AKAP6: variants seen among roughly 807,000 people sequenced by gnomAD.
AKAP6 encodes the protein A-kinase anchor protein 6.
In AKAP6, 58 loss-of-function variants were observed where a neutral mutation model predicts 188.5. That is an observed-to-expected ratio of 0.31 (90% CI 0.25 to 0.38). AKAP6 has a LOEUF of 0.38. AKAP6 is among the 10% of genes least tolerant of loss of function. AKAP6 has a pLI of 1.00. For missense variants in AKAP6, 2,710 were observed against 2,740.0 expected (o/e 0.99, Z 0.24); for synonymous variants, 989 against 998.6 (o/e 0.99, Z 0.18).
chr14:32,570,946 G>A (rs901242157), intron 4 of AKAP6, among the ~76,000 whole-genome samples: 1 of 152,132 alleles, frequency 6.6e-6, no homozygotes, highest in African/African-American at 2.4e-5. Flanking sequence ...GAGGCTTTCT[G>A]GATTCAGGTA....
Position 32,811,241 on chromosome 14 carries a change from G to GA in AKAP6, c.3589-10146dup, listed in dbSNP as rs529886144. Among the ~76,000 whole-genome samples, 31 of 55,600 alleles carry GA rather than the reference G, an allele frequency of 5.6e-4. 3 individuals carry two copies. In the South Asian group the frequency reaches 6.3e-3, roughly 11 times the overall value. The allele number at this position is 55,600 out of a possible 152,430, so 36.5% of individuals were successfully genotyped here. On this transcript the variant is annotated intron_variant, in intron 12 of 13. Transcript: ENST00000280979. ...GTGACAGAGCGAGACTCCGTCTCAG[G>GA]AAAAAAAAAAAAAAAGTTGAAAAAC...
At chr14:32,510,392 G>GCGTATATATA (rs1881130619) in intron 2 of AKAP6, among the ~76,000 whole-genome samples, 2 of 36,080 alleles carry the variant, frequency 5.5e-5, no homozygotes, top group African/African-American at 2.6e-4. Flanking sequence ...ATATATATAT[G>GCGTATATATA]TGTATATATA....
intron 1 of AKAP6, among the ~76,000 whole-genome samples, chr14:32,367,323 A>G (rs1445138079): frequency 1.3e-5 from 2 of 152,252 alleles, no homozygotes; most frequent in African/African-American, 4.8e-5. Context: ...TGATTTAAGA[A>G]TATGAAGTGG....
At chr14:32,403,973 C>A (rs543403499) in intron 1 of AKAP6, among the ~76,000 whole-genome samples, 1 of 152,128 alleles carries the variant, frequency 6.6e-6, no homozygotes, top group African/African-American at 2.4e-5. Flanking sequence ...AGTTTTCTTT[C>A]TTGTGTTTGC....
At chr14:32,569,222 T>C (rs1884349631) in intron 4 of AKAP6, among the ~76,000 whole-genome samples, 1 of 152,232 alleles carries the variant, frequency 6.6e-6, no homozygotes, top group African/African-American at 2.4e-5. Context: ...TTTACCTTTA[T>C]TCTGGAACAA....
chr14:32,576,471 C>CA (rs1461362507), intron 4 of AKAP6, among the ~76,000 whole-genome samples: 1 of 152,066 alleles, frequency 6.6e-6, no homozygotes, highest in African/African-American at 2.4e-5. Context: ...GCTTCCTAGC[C>CA]AAGAATATAT....
rs756286219 is a variant in AKAP6, at chr14:32,349,488, A to G, written c.-35+20080A>G. ...CCTTCTGTGGTCCTTAGCCTCAGAAATATAGAAAGAAATATAGAAAGATCT... is the reference window on the plus strand; with the variant it reads ...CCTTCTGTGGTCCTTAGCCTCAGAAGTATAGAAAGAAATATAGAAAGATCT... On this transcript the variant is annotated intron_variant, in intron 1 of 13. Coordinates refer to ENST00000280979, the MANE Select transcript of AKAP6 (RefSeq NM_004274.5). Among the ~76,000 whole-genome samples, 5 of 152,346 alleles carry G rather than the reference A, an allele frequency of 3.3e-5. No homozygotes were observed. In the South Asian group the frequency reaches 8.3e-4, roughly 25 times the overall value.
rs556776054 is a variant in AKAP6 at position 32,829,911 on chromosome 14, T to G, written c.*106T>G. 1.4e-6 allele frequency: 1 copy of G among 702,758 alleles called. No homozygotes were observed. The highest frequency in any genetic ancestry group is 2.6e-6 in the Non-Finnish European group (1 of 384,786). 43.5% of individuals were successfully genotyped at this position (702,758 alleles called of 1,614,324 possible). A position where few individuals can be genotyped will look rare whatever the true frequency, so the allele number is the denominator to read the frequency against. ...CGCCCTGGGCTGGCCTCTGGTTCCA[T>G]CACGTTTGTCACTGCCGTTTATTAC... On this transcript the variant is annotated 3_prime_UTR_variant, in exon 14 of 14. Transcript: ENST00000280979.
intron 8 of AKAP6, among the ~76,000 whole-genome samples, chr14:32,694,537 A>G (rs1890318376): frequency 6.6e-6 from 1 of 152,174 alleles, no homozygotes; most frequent in South Asian, 2.1e-4. Flanking sequence ...CTAGGCCACC[A>G]TAGCCTTACT....
At chr14:32,435,746 C>T (rs965862466) in intron 2 of AKAP6, among the ~76,000 whole-genome samples, 7 of 152,102 alleles carry the variant, frequency 4.6e-5, no homozygotes, top group African/African-American at 1.2e-4. Context: ...CATGACTTTT[C>T]GGGGTACTAG....
intron 11 of AKAP6, among the ~76,000 whole-genome samples, chr14:32,754,131 C>T (rs2032244514): frequency 6.6e-6 from 1 of 151,960 alleles, no homozygotes; most frequent in Non-Finnish European, 1.5e-5. Context: ...AATTGTATTG[C>T]TATTTCTCTC....
At chr14:32,653,754 T>G (rs1284856469) in intron 7 of AKAP6, among the ~76,000 whole-genome samples, 1 of 152,212 alleles carries the variant, frequency 6.6e-6, no homozygotes, top group Admixed American at 6.5e-5. Flanking sequence ...TATTAAGTAA[T>G]AAGTTTGTAT....
chr14:32,708,871 C>T (rs762169296), intron 9 of AKAP6, among the ~76,000 whole-genome samples: 1 of 151,950 alleles, frequency 6.6e-6, no homozygotes, highest in Non-Finnish European at 1.5e-5. Flanking sequence ...GCATGATAAA[C>T]ATTCCTGTCT....
intron 2 of AKAP6, among the ~76,000 whole-genome samples, chr14:32,486,906 G>A (rs1415190983): frequency 1.3e-5 from 2 of 152,122 alleles, no homozygotes; most frequent in Non-Finnish European, 2.9e-5. Context: ...GTTTTCAAAG[G>A]GAATGCTTCC....
chr14:32,540,168 C>T (rs12884321), intron 3 of AKAP6, among the ~76,000 whole-genome samples: 1,008 of 60,936 alleles, frequency 0.017, 17 homozygotes, highest in Non-Finnish European at 0.023. Context: ...CTCTCTCTCT[C>T]TATATATATA....
intron 7 of AKAP6, among the ~76,000 whole-genome samples, chr14:32,616,080 A>T (rs1265672663): frequency 2.0e-5 from 3 of 152,320 alleles, no homozygotes; most frequent in Admixed American, 2.0e-4. Flanking sequence ...TTATTAGCCA[A>T]TTATTAAAAA....
intron 1 of AKAP6, among the ~76,000 whole-genome samples, chr14:32,396,028 A>C (rs994697128): frequency 6.6e-6 from 1 of 152,184 alleles, no homozygotes; most frequent in Non-Finnish European, 1.5e-5. Context: ...GAAATATGTC[A>C]TTAATGAGCT....
At chr14:32,701,263 C>G (rs1356151677) in intron 9 of AKAP6, among the ~76,000 whole-genome samples, 1 of 152,050 alleles carries the variant, frequency 6.6e-6, no homozygotes, top group Non-Finnish European at 1.5e-5. Flanking sequence ...GAAGTTGCAT[C>G]TGTAAGAAGA....
intron 7 of AKAP6, among the ~76,000 whole-genome samples, chr14:32,644,788 T>C (rs1450651105): frequency 6.6e-6 from 1 of 152,140 alleles, no homozygotes; most frequent in African/African-American, 2.4e-5. Flanking sequence ...TTTTTGTCCT[T>C]CTCAATTAAT....
Sources: gnomAD v4.1 joint callset for allele counts (sites outside exome capture counted in the v4.1 genomes callset) on GRCh38, gnomAD v4.1.1 for gene constraint, MANE v1.5 for transcripts, NCBI Gene and HGNC (gene_info 2026-07-23, HGNC 2026-07-21) for gene names.